SEPTIN6: variants seen among roughly 807,000 people sequenced by gnomAD.
SEPTIN6 encodes septin-6.
A neutral mutation model predicts 33.6 loss-of-function variants in SEPTIN6; 8 were observed. That is an observed-to-expected ratio of 0.24 (90% CI 0.14 to 0.43). The LOEUF (loss-of-function observed/expected upper bound fraction) is 0.43. Ranked by LOEUF, SEPTIN6 falls within the 20% of genes least tolerant of loss-of-function variation. The pLI is 1.00. For synonymous variants in SEPTIN6, 131 were observed against 140.0 expected (o/e 0.94, Z 0.45); for missense variants, 250 against 340.8 (o/e 0.73, Z 2.10).
chrX:119,636,922 C>A, intron 7 of SEPTIN6, 105 bp downstream of exon 7: 1 of 969,063 alleles, frequency 1.0e-6, no homozygotes, highest in Non-Finnish European at 1.4e-6. Flanking sequence ...GTCTTAGCAC[C>A]CGTGTCTCGC....
intron 1 of SEPTIN6, among the ~76,000 whole-genome samples, chrX:119,684,754 G>C (rs1487575030): frequency 1.8e-5 from 2 of 111,510 alleles, no homozygotes; most frequent in African/African-American, 6.5e-5. Context: ...GTCTCCTAAA[G>C]TGCTGGGATT....
At chrX:119,637,005 G>GCTGGT (rs750246569) in intron 7 of SEPTIN6, 22 bp downstream of exon 7, 1 of 1,202,161 alleles carries the variant, frequency 8.3e-7, no homozygotes, top group Non-Finnish European at 1.1e-6. Flanking sequence ...GCTGGGCTGG[G>GCTGGT]CTGGGCTGGC....
At chrX:119,623,568 T>C (rs1021695834) in intron 10 of SEPTIN6, among the ~76,000 whole-genome samples, 5 of 112,305 alleles carry the variant, frequency 4.5e-5, no homozygotes, top group Non-Finnish European at 9.4e-5. Context: ...TCGGGCGCGG[T>C]GGCTCACGCC....
intron 1 of SEPTIN6, among the ~76,000 whole-genome samples, chrX:119,679,675 T>G (rs1268113481): frequency 9.0e-6 from 1 of 111,021 alleles, no homozygotes; most frequent in African/African-American, 3.3e-5. Flanking sequence ...CTGGCCAACA[T>G]GGTGAAACCC....
At chrX:119,692,003 GCAAC>G (rs936284514) in intron 1 of SEPTIN6, among the ~76,000 whole-genome samples, 16 of 111,306 alleles carry the variant, frequency 1.4e-4, no homozygotes, top group African/African-American at 4.9e-4. Flanking sequence ...ATCGCCCTTT[GCAAC>G]CAAACTTCTG....
At chrX:119,657,969 CAA>C in intron 3 of SEPTIN6, among the ~76,000 whole-genome samples, 1 of 110,094 alleles carries the variant, frequency 9.1e-6, no homozygotes, top group East Asian at 2.9e-4. Context: ...ACTAAAAATA[CAA>C]AAAAAATTAG....
At chrX:119,620,108 A>T in intron 10 of SEPTIN6, 57 bp from the exon 11 acceptor site, 1 of 1,003,735 alleles carries the variant, frequency 1.0e-6, no homozygotes, top group Non-Finnish European at 1.4e-6. Context: ...TACCAAAAAA[A>T]AAAAAAAGTC....
intron 3 of SEPTIN6, among the ~76,000 whole-genome samples, chrX:119,654,870 A>G (rs1200231820): frequency 2.7e-5 from 3 of 111,210 alleles, no homozygotes; most frequent in South Asian, 3.8e-4. Context: ...TAATCGCATC[A>G]AAGAATCTCT....
chrX:119,644,682 A>G (rs753262872), intron 5 of SEPTIN6, among the ~76,000 whole-genome samples: 150 of 110,194 alleles, frequency 1.4e-3, no homozygotes, highest in African/African-American at 4.6e-3. Context: ...CCTCATCTCT[A>G]CTAAAAATAC....
In SEPTIN6 at chrX:119,621,206, A is replaced by T. The variant is rs545660555; in HGVS notation, c.*42-1155T>A. ...AGACCTGTTTGCAGAGCATATGGGG[A>T]TGATTGCAGAACTCTGTTCTAGGGT... On this transcript the variant is annotated intron_variant, in intron 10 of 10. Coordinates refer to ENST00000394610, the MANE Select transcript of SEPTIN6 (RefSeq NM_145799.4). Among the ~76,000 whole-genome samples, 82 of 109,804 alleles carry T rather than the reference A, an allele frequency of 7.5e-4. No individual in the cohort carries two copies. The South Asian group carries it at 0.029, about 39-fold the overall frequency.
chrX:119,660,067 G>A (rs915255784), intron 3 of SEPTIN6, among the ~76,000 whole-genome samples: 2 of 111,270 alleles, frequency 1.8e-5, no homozygotes, highest in South Asian at 3.7e-4. Context: ...AGAGACGGGG[G>A]TTTCACCATG....
chrX:119,629,855 C>T (rs1312815356), intron 8 of SEPTIN6, among the ~76,000 whole-genome samples: 1 of 112,103 alleles, frequency 8.9e-6, no homozygotes, highest in African/African-American at 3.2e-5. Context: ...TGGCCGGGCT[C>T]AGGCCTGTAA....
At chrX:119,629,716 C>T (rs1471434303) in intron 8 of SEPTIN6, among the ~76,000 whole-genome samples, 1 of 112,022 alleles carries the variant, frequency 8.9e-6, no homozygotes, top group African/African-American at 3.2e-5. Context: ...CTCCAAGTCT[C>T]TGCTCCTGAA....
rs185116143 is a variant in SEPTIN6 at position 119,662,246 on chromosome X, T to C, written c.341+1236A>G. 3.0e-4 allele frequency among the ~76,000 whole-genome samples: 34 copies of C among 112,187 alleles called. 1 individual carries two copies. The East Asian group carries it at 8.9e-3, about 29-fold the overall frequency. Reference sequence around the variant, plus strand: ...ACCTCTACCTTGATAACCCAATCTATTTCTAGCCTCTTCTCATCTCCAATT... The same window carrying C: ...ACCTCTACCTTGATAACCCAATCTACTTCTAGCCTCTTCTCATCTCCAATT... On this transcript the variant is annotated intron_variant, in intron 3 of 10. Coordinates refer to ENST00000394610, the MANE Select transcript of SEPTIN6 (RefSeq NM_145799.4).
chrX:119,681,953 C>T (rs2054967585), intron 1 of SEPTIN6, among the ~76,000 whole-genome samples: 1 of 111,005 alleles, frequency 9.0e-6, no homozygotes, highest in African/African-American at 3.3e-5. Context: ...GGGAGGATTG[C>T]TTGAGCCCGG....
chrX:119,662,505 T>C (rs1224882763), intron 3 of SEPTIN6, among the ~76,000 whole-genome samples: 1 of 111,890 alleles, frequency 8.9e-6, no homozygotes, highest in African/African-American at 3.3e-5. Flanking sequence ...GATATTTACC[T>C]ACTCAGTATT....
intron 3 of SEPTIN6, among the ~76,000 whole-genome samples, chrX:119,655,886 T>C (rs1259846661): frequency 2.7e-5 from 3 of 112,456 alleles, no homozygotes; most frequent in Non-Finnish European, 5.6e-5. Context: ...TAACAATCTA[T>C]AGTAATGTTA....
intron 4 of SEPTIN6, 69 bp from the exon 5 acceptor site, chrX:119,650,167 C>A: frequency 9.3e-7 from 1 of 1,071,499 alleles, no homozygotes; most frequent in South Asian, 2.0e-5. Flanking sequence ...TGACCTAGGA[C>A]TTCCACCAGC....
chrX:119,617,603 C>A lies in SEPTIN6; in HGVS notation c.*2490G>T. 1 of 802,373 alleles carries A rather than the reference C, an allele frequency of 1.2e-6. No individual in the cohort carries two copies. The highest frequency in any genetic ancestry group is 1.5e-6 in the Non-Finnish European group (1 of 668,269). 66.1% of individuals were successfully genotyped at this position (802,373 alleles called of 1,213,427 possible). On this transcript the variant is annotated 3_prime_UTR_variant, in exon 11 of 11. Transcript: ENST00000394610. ...AACCTCGAGGGTCTTCTAATACTAA[C>A]TAGTCAGTTACTCTGAACATCAAAA...
Sources: gnomAD v4.1 joint callset for allele counts (sites outside exome capture counted in the v4.1 genomes callset) on GRCh38, gnomAD v4.1.1 for gene constraint, MANE v1.5 for transcripts, NCBI Gene and HGNC (gene_info 2026-07-23, HGNC 2026-07-21) for gene names.